ZNF626: variants seen among roughly 807,000 people sequenced by gnomAD.
ZNF626 encodes the protein zinc finger protein 626.
A neutral mutation model predicts 11.7 loss-of-function variants in ZNF626; 4 were observed. The ratio of observed to expected loss-of-function variants is 0.34; its 90% CI spans 0.17 to 0.78. ZNF626 has a LOEUF of 0.78. Ranked by LOEUF, ZNF626 falls within the 30% of genes least tolerant of loss-of-function variation. ZNF626 has a pLI of 0.57. For synonymous variants in ZNF626, 179 were observed against 198.6 expected, an observed-to-expected ratio of 0.90 and a Z score of 0.83; for missense variants, 588 against 587.1, an observed-to-expected ratio of 1.00 and a Z score of -0.01.
At chr19:20,629,175 G>C (rs1269237197) in intron 3 of ZNF626, among the ~76,000 whole-genome samples, 1 of 152,122 alleles carries the variant, frequency 6.6e-6, no homozygotes, top group African/African-American at 2.4e-5. Flanking sequence ...ATGCTGTTTT[G>C]GTTACTGTAG....
chr19:20,627,868 T>C (rs1969857546), intron 3 of ZNF626, among the ~76,000 whole-genome samples: 1 of 152,196 alleles, frequency 6.6e-6, no homozygotes, highest in Non-Finnish European at 1.5e-5. Context: ...CATGTTGGTG[T>C]GTTGCACCCA....
intron 3 of ZNF626, among the ~76,000 whole-genome samples, chr19:20,634,496 A>G (rs1395330083): frequency 1.4e-5 from 2 of 145,536 alleles, no homozygotes; most frequent in Non-Finnish European, 3.0e-5. Flanking sequence ...AAACAATAAT[A>G]TAAATAATTG....
chr19:20,656,789 A>T (rs782356214), intron 1 of ZNF626, among the ~76,000 whole-genome samples: 1 of 152,160 alleles, frequency 6.6e-6, no homozygotes, highest in Non-Finnish European at 1.5e-5. Flanking sequence ...ATAAGTCAAA[A>T]AATAACAGAT....
chr19:20,656,373 A>G (rs1209609266), intron 1 of ZNF626, among the ~76,000 whole-genome samples: 2 of 152,130 alleles, frequency 1.3e-5, no homozygotes, highest in Non-Finnish European at 2.9e-5. Context: ...CTAGATATAG[A>G]CACTGGCAAA....
intron 3 of ZNF626, among the ~76,000 whole-genome samples, chr19:20,630,575 T>G (rs2144768847): frequency 6.6e-6 from 1 of 152,288 alleles, no homozygotes; most frequent in South Asian, 2.1e-4. Flanking sequence ...ATAGAGGTGT[T>G]TATAGTATTC....
intron 3 of ZNF626, among the ~76,000 whole-genome samples, chr19:20,628,779 T>C (rs1447192746): frequency 2.0e-5 from 3 of 152,204 alleles, no homozygotes; most frequent in Non-Finnish European, 4.4e-5. Flanking sequence ...AGAACCTCTT[T>C]AGTTTAATTA....
At chr19:20,629,563 T>G (rs1275197233) in intron 3 of ZNF626, among the ~76,000 whole-genome samples, 1 of 152,254 alleles carries the variant, frequency 6.6e-6, no homozygotes, top group Non-Finnish European at 1.5e-5. Flanking sequence ...GGGAGTTTAC[T>G]CATGATTTGG....
intron 3 of ZNF626, chr19:20,645,186 T>C: frequency 9.0e-7 from 1 of 1,112,334 alleles, no homozygotes. Context: ...TGTCATAATT[T>C]CAAACTATAT....
chr19:20,627,491 G>T (rs1969851330), intron 3 of ZNF626, among the ~76,000 whole-genome samples: 1 of 151,468 alleles, frequency 6.6e-6, no homozygotes, highest in Non-Finnish European at 1.5e-5. Context: ...AATACAAAAA[G>T]CAAAAAACCA....
chr19:20,639,947 AG>A (rs1485389679), intron 3 of ZNF626, among the ~76,000 whole-genome samples: 1 of 152,190 alleles, frequency 6.6e-6, no homozygotes, highest in Non-Finnish European at 1.5e-5. Flanking sequence ...TAAAAGCTAC[AG>A]AACATAAACA....
Position 20,624,888 on chromosome 19 carries a change from G to A in ZNF626, c.989C>T (p.Thr330Ile). Reference protein sequence around the residue: ...KAFKYSYTLTTHKRIHTEDKP... With the variant: ...KAFKYSYTLTIHKRIHTEDKP... ...GTCTTCAGTATGAATTCTTTTATGT[G>A]TAGTAAGGGTATAGGAGTACTTAAA... is the stretch of plus-strand genomic sequence containing the variant. Residue 330 changes from threonine to isoleucine, a missense_variant, in exon 4 of 4, where the codon ACA (threonine) becomes ATA (isoleucine). Physicochemically the swap from Thr to Ile is moderately conservative, Grantham distance 89. Around this residue, in one of 4 missense-constraint regions of ZNF626, gnomAD observed 524 missense variants for 470.1 expected, o/e 1.11. Transcript: ENST00000601440. The A allele has an allele frequency of 6.2e-7, 1 of 1,613,384 alleles. No homozygotes were observed. The highest frequency in any genetic ancestry group is 8.5e-7 in the Non-Finnish European group (1 of 1,179,874).
intron 3 of ZNF626, among the ~76,000 whole-genome samples, chr19:20,629,829 G>C (rs1266327034): frequency 6.6e-6 from 1 of 152,120 alleles, no homozygotes; most frequent in Non-Finnish European, 1.5e-5. Flanking sequence ...AATAGGAGTG[G>C]TGAGAGAGGG....
In ZNF626 at chr19:20,651,329, T is replaced by C. The variant is rs1302041773; in HGVS notation, c.4-4924A>G. On this transcript the variant is annotated intron_variant, in intron 1 of 3. Transcript: ENST00000601440. ...ACATATCTATTTGTTATACCAACCATATGATGCATAATTCAAGTATTTATC... is the reference window on the plus strand; with the variant it reads ...ACATATCTATTTGTTATACCAACCACATGATGCATAATTCAAGTATTTATC... 2.0e-5 allele frequency among the ~76,000 whole-genome samples: 3 copies of C among 151,704 alleles called. 1 individual carries two copies. Among genetic ancestry groups the C allele is most frequent in the African/African-American group, 7.3e-5 (3 of 41,270 alleles).
At chr19:20,630,412 AC>A (rs201272222) in intron 3 of ZNF626, among the ~76,000 whole-genome samples, 45,778 of 151,806 alleles carry the variant, frequency 0.3, 7,735 homozygotes, top group African/African-American at 0.44. Flanking sequence ...CTGGTCCTGA[AC>A]TTTTTTTGAT....
chr19:20,633,483 G>A (rs1210617927), intron 3 of ZNF626, among the ~76,000 whole-genome samples: 3 of 152,192 alleles, frequency 2.0e-5, no homozygotes, highest in Admixed American at 6.5e-5. Flanking sequence ...CAACTAACTC[G>A]GCAATGGTGG....
rs560814732 is a variant in ZNF626 at position 20,633,405 on chromosome 19, G to A, written c.227-7755C>T. ...AGAGGTGGAGCCTAAGAGGCAGGCA[G>A]GCCTCCTTGAGCTGTGGTGGGCTCC... On this transcript the variant is annotated intron_variant, in intron 3 of 3. Coordinates refer to ENST00000601440, the MANE Select transcript of ZNF626 (RefSeq NM_001076675.3). Among the ~76,000 whole-genome samples the A allele has an allele frequency of 2.0e-3, 300 of 152,334 alleles. 2 individuals are homozygous for A. The highest frequency in any genetic ancestry group is 6.9e-3 in the African/African-American group (288 of 41,572).
intron 1 of ZNF626, among the ~76,000 whole-genome samples, chr19:20,654,120 G>A (rs1970178321): frequency 6.6e-6 from 1 of 152,110 alleles, no homozygotes; most frequent in South Asian, 2.1e-4. Context: ...TAGTCATAAT[G>A]TATGTAGCAT....
intron 1 of ZNF626, among the ~76,000 whole-genome samples, chr19:20,655,537 G>A (rs1273851581): frequency 8.5e-5 from 13 of 152,072 alleles, no homozygotes; most frequent in African/African-American, 2.9e-4. Flanking sequence ...CAGAAAAAAT[G>A]ACAAAACTTT....
At chr19:20,655,335 T>C (rs1173414485) in intron 1 of ZNF626, among the ~76,000 whole-genome samples, 1 of 152,192 alleles carries the variant, frequency 6.6e-6, no homozygotes, top group African/African-American at 2.4e-5. Context: ...AGAAACTGAG[T>C]ATCATTTAGT....
Sources: gnomAD v4.1 joint callset for allele counts (sites outside exome capture counted in the v4.1 genomes callset) on GRCh38, gnomAD v4.1.1 for gene constraint, gnomAD v4.1.1 regional missense constraint, MANE v1.5 for transcripts, NCBI Gene and HGNC (gene_info 2026-07-23, HGNC 2026-07-21) for gene names.